Variants in BRI3 observed in about 807,000 individuals in gnomAD.
BRI3 encodes the protein membrane protein BRI3.
In BRI3, 6 loss-of-function variants were observed where a neutral mutation model predicts 12.8. The observed-to-expected ratio is 0.47, with a 90% CI of 0.26 to 0.93. The LOEUF (loss-of-function observed/expected upper bound fraction) is 0.93. Ranked by LOEUF, BRI3 falls within the 40% of genes least tolerant of loss-of-function variation. BRI3 has a pLI of 0.15. For synonymous variants in BRI3, 91 were observed against 76.1 expected (o/e 1.20, Z -1.02); for missense variants, 134 against 171.1 (o/e 0.78, Z 1.21).
chr7:98,282,221 G>A, intron 1 of BRI3, 130 bp from the exon 2 acceptor site: 1 of 880,850 alleles, frequency 1.1e-6, no homozygotes, highest in Non-Finnish European at 1.7e-6. Context: ...GCCCGCGGTG[G>A]CCGTCCCGAG....
chr7:98,317,303 C>T, the BRI3 span: 1 of 1,614,192 alleles, frequency 6.2e-7, no homozygotes, highest in Non-Finnish European at 8.5e-7. Flanking sequence ...CTTGGGATTT[C>T]TCCAAAGACT....
chr7:98,304,768 T>C (rs1274624742), upstream of BRI3, among the ~76,000 whole-genome samples: 1 of 151,998 alleles, frequency 6.6e-6, no homozygotes, highest in African/African-American at 2.4e-5. Context: ...AGGCTGGTCT[T>C]GAACTCCTGA....
At chr7:98,286,860 CA>C (rs1799725567) in intron 2 of BRI3, among the ~76,000 whole-genome samples, 1 of 152,264 alleles carries the variant, frequency 6.6e-6, no homozygotes, top group South Asian at 2.1e-4. Context: ...GTTCAGGTCA[CA>C]TGTTGCTGCC....
At chr7:98,296,284 T>C (rs941656401), downstream of BRI3, among the ~76,000 whole-genome samples, 1 of 152,250 alleles carries the variant, frequency 6.6e-6, no homozygotes, top group Non-Finnish European at 1.5e-5. Flanking sequence ...TGAAAATTCA[T>C]TGTGTGCTTT....
upstream of BRI3, among the ~76,000 whole-genome samples, chr7:98,301,922 C>T (rs927258188): frequency 6.6e-6 from 1 of 152,116 alleles, no homozygotes; most frequent in African/African-American, 2.4e-5. Flanking sequence ...TCACCCCCTG[C>T]AGGCAGCCCC....
chr7:98,291,270 C>T lies in BRI3; in HGVS notation c.*27C>T, dbSNP rs1799940200. 5 of 1,611,486 alleles carry T rather than the reference C, an allele frequency of 3.1e-6. No individual in the cohort carries two copies. The highest frequency in any genetic ancestry group is 3.3e-5 in the Admixed American group (2 of 59,902). ...GGGAACACCAGGCCCGGCTTTCCTA[C>T]ACCCAGCTCTCTTTTTCTAATGTAA... On this transcript the variant is annotated 3_prime_UTR_variant, in exon 3 of 3. Coordinates refer to ENST00000297290, the MANE Select transcript of BRI3 (RefSeq NM_015379.5).
downstream of BRI3, chr7:98,294,206 T>C (rs990878932): frequency 1.3e-5 from 18 of 1,372,608 alleles, no homozygotes; most frequent in Non-Finnish European, 1.8e-5. Flanking sequence ...TTGCCCAGGC[T>C]GGTTTCGAAC....
chr7:98,289,157 C>T (rs1799813117), intron 2 of BRI3, among the ~76,000 whole-genome samples: 1 of 152,146 alleles, frequency 6.6e-6, no homozygotes, highest in African/African-American at 2.4e-5. Context: ...GCGGTTTCAC[C>T]ATGTTGACCA....
intron 1 of BRI3, 48 bp downstream of exon 1, chr7:98,281,985 G>T: frequency 2.3e-6 from 3 of 1,291,356 alleles, no homozygotes; most frequent in African/African-American, 1.6e-5. Flanking sequence ...GAGGTGGCAA[G>T]CCCGGTCGGG....
the BRI3 span, among the ~76,000 whole-genome samples, chr7:98,322,325 A>G: frequency 6.6e-6 from 1 of 152,112 alleles, no homozygotes; most frequent in Non-Finnish European, 1.5e-5. Flanking sequence ...TCAGGATTCA[A>G]CCCTTGCTGA....
At chr7:98,322,583 T>C in the BRI3 span, among the ~76,000 whole-genome samples, 1 of 152,138 alleles carries the variant, frequency 6.6e-6, no homozygotes, top group South Asian at 2.1e-4. Context: ...AGAGAAGGCA[T>C]GGGGCATGGC....
At chr7:98,299,083 T>C (rs1039180545) in intron 1 of BRI3, among the ~76,000 whole-genome samples, 1 of 152,158 alleles carries the variant, frequency 6.6e-6, no homozygotes, top group African/African-American at 2.4e-5. Flanking sequence ...TGGCGTGATC[T>C]TGGCTCACTG....
downstream of BRI3, chr7:98,312,051 T>G: frequency 6.5e-7 from 1 of 1,541,222 alleles, no homozygotes; most frequent in South Asian, 1.3e-5. Context: ...CCAGATCAAG[T>G]TAGGAAACAC....
At chr7:98,319,977 G>A in the BRI3 span, 28 of 1,134,340 alleles carry the variant, frequency 2.5e-5, no homozygotes, top group Non-Finnish European at 3.5e-5. Flanking sequence ...CTGCTGATGA[G>A]TCAACAGTGG....
intron 2 of BRI3, among the ~76,000 whole-genome samples, chr7:98,288,162 A>C (rs1285922600): frequency 6.6e-6 from 1 of 152,140 alleles, no homozygotes; most frequent in Non-Finnish European, 1.5e-5. Flanking sequence ...CTGGGATTTG[A>C]CCGCAGATGC....
intron 1 of BRI3, 69 bp from the exon 2 acceptor site, chr7:98,282,282 G>A (rs1270200505): frequency 3.8e-6 from 5 of 1,316,128 alleles, no homozygotes; most frequent in South Asian, 3.7e-5. Context: ...GAGGGGACAG[G>A]ATGAGTAGTC....
chr7:98,294,171 T>C, downstream of BRI3: 1 of 1,556,470 alleles, frequency 6.4e-7, no homozygotes, highest in Admixed American at 1.7e-5. Context: ...AAAATTATTT[T>C]AGGTAGAGAT....
At chr7:98,317,243 G>A in the BRI3 span, 1 of 1,614,234 alleles carries the variant, frequency 6.2e-7, no homozygotes, top group Non-Finnish European at 8.5e-7. Context: ...GTTCATATTT[G>A]AGTGCGTTTC....
chr7:98,320,713 T>G, the BRI3 span, among the ~76,000 whole-genome samples: 1 of 152,210 alleles, frequency 6.6e-6, no homozygotes, highest in Non-Finnish European at 1.5e-5. Context: ...TCAGGGTCTC[T>G]AAGCATCATC....
Sources: allele counts gnomAD v4.1 joint callset (sites outside exome capture counted in the v4.1 genomes callset), GRCh38; gene constraint gnomAD v4.1.1; transcripts MANE v1.5; gene names NCBI Gene and HGNC (gene_info 2026-07-23, HGNC 2026-07-21).